Variants in ZNF705D observed in about 807,000 individuals in gnomAD.
ZNF705D encodes the protein putative zinc finger protein 705C.
For synonymous variants in ZNF705D, 1 was observed against 43.8 expected (o/e 0.02, Z 3.86); for missense variants, 6 against 129.4 (o/e 0.05, Z 4.63).
the ZNF705D span, chr8:12,095,097 G>C: frequency 1.4e-5 from 1 of 69,092 alleles, no homozygotes; most frequent in African/African-American, 6.1e-5. Context: ...GAAAAATGGA[G>C]AGAGGGAACG....
At chr8:12,097,355 A>ATAATTTG in the ZNF705D span, among the ~76,000 whole-genome samples, 1 of 98,560 alleles carries the variant, frequency 1.0e-5, no homozygotes, top group Admixed American at 1.1e-4. Context: ...CAGCTGGAGG[A>ATAATTTG]CTTTATTCTA....
At chr8:12,103,745 A>AT (rs1191992730), upstream of ZNF705D, among the ~76,000 whole-genome samples, 6 of 65,920 alleles carry the variant, frequency 9.1e-5, no homozygotes, top group Admixed American at 2.6e-4. Context: ...TTTAACTAAC[A>AT]TTTTTGATGT....
rs1802248433 is a variant in ZNF705D, at chr8:12,109,441, ATT to A, written c.13-457_13-456del. On this transcript the variant is annotated intron_variant, in intron 1 of 4. Coordinates refer to ENST00000400078, the Ensembl canonical transcript of ZNF705D. ...AAAACACATCATTGGTCTTTTAACC[ATT>A]TGATTGGGGAGAAACCTGTCGTTCA... Among the ~76,000 whole-genome samples, 3 of 87,064 alleles carry A rather than the reference ATT, an allele frequency of 3.4e-5. 1 individual carries two copies. The South Asian group carries it at 1.6e-3, about 47-fold the overall frequency. 57.1% of individuals were successfully genotyped at this position (87,064 alleles called of 152,430 possible).
upstream of ZNF705D, among the ~76,000 whole-genome samples, chr8:12,100,706 A>G (rs1440899908): frequency 1.3e-3 from 6 of 4,646 alleles, 3 homozygotes; most frequent in African/African-American, 1.5e-3. Flanking sequence ...TTTCCTACGC[A>G]TAAAGGAGCA....
At chr8:12,090,164 C>G in the ZNF705D span, among the ~76,000 whole-genome samples, 26 of 89,054 alleles carry the variant, frequency 2.9e-4, 3 homozygotes, top group African/African-American at 7.3e-4. Context: ...GCCACCCCCC[C>G]GATGGATGTC....
At chr8:12,105,784 C>T (rs1320647687), upstream of ZNF705D, among the ~76,000 whole-genome samples, 1 of 40,574 alleles carries the variant, frequency 2.5e-5, no homozygotes, top group Non-Finnish European at 4.2e-5. Flanking sequence ...GAGGGAGATA[C>T]TAAGCTGTGC....
At chr8:12,090,189 G>C in the ZNF705D span, among the ~76,000 whole-genome samples, 8 of 90,788 alleles carry the variant, frequency 8.8e-5, 2 homozygotes, top group South Asian at 2.7e-3. Context: ...GTGCCAGGCA[G>C]GAATGGGCTA....
At chr8:12,089,768 A>G in the ZNF705D span, among the ~76,000 whole-genome samples, 1 of 64,748 alleles carries the variant, frequency 1.5e-5, no homozygotes. Flanking sequence ...TGGGGGATGG[A>G]GGTGAGATTC....
At chr8:12,100,433 T>A (rs1387259310), upstream of ZNF705D, among the ~76,000 whole-genome samples, 2 of 8,786 alleles carry the variant, frequency 2.3e-4, 1 homozygote, top group African/African-American at 2.5e-4. Context: ...ACGATATTTT[T>A]ATTTTTTTAA....
At chr8:12,090,067 C>T in the ZNF705D span, among the ~76,000 whole-genome samples, 280 of 72,444 alleles carry the variant, frequency 3.9e-3, 75 homozygotes, top group Non-Finnish European at 8.3e-3. Flanking sequence ...GAGTTCTGGC[C>T]AGGAGGCTTC....
intron 1 of ZNF705D, among the ~76,000 whole-genome samples, chr8:12,109,283 G>A (rs1440751543): frequency 1.2e-3 from 50 of 41,320 alleles, no homozygotes; most frequent in African/African-American, 6.9e-3. Flanking sequence ...TGCATAAAGC[G>A]TTCAGTTCTG....
upstream of ZNF705D, among the ~76,000 whole-genome samples, chr8:12,103,215 TC>T (rs1802158541): frequency 1.1e-5 from 1 of 94,088 alleles, no homozygotes; most frequent in Non-Finnish European, 2.4e-5. Context: ...TGAACTGGCC[TC>T]ATTCCCTTAC....
chr8:12,112,875 A>G, exon 5 of ZNF705D: 1 of 761,958 alleles, frequency 1.3e-6, no homozygotes, highest in Non-Finnish European at 1.8e-6. Context: ...CTATGTGGAA[A>G]AGCCTTCACT....
chr8:12,094,271 ACT>A, the ZNF705D span, among the ~76,000 whole-genome samples: 588 of 89,292 alleles, frequency 6.6e-3, 95 homozygotes, highest in East Asian at 0.048. Flanking sequence ...AAAGCTGGGA[ACT>A]GAAGGAATTC....
chr8:12,095,131 G>A, the ZNF705D span: 1 of 455,072 alleles, frequency 2.2e-6, no homozygotes, highest in Non-Finnish European at 2.8e-6. Flanking sequence ...TAGGGAGAGG[G>A]AGAGAGAAAA....
At chr8:12,109,402 T>A (rs1191591822) in intron 1 of ZNF705D, among the ~76,000 whole-genome samples, 5 of 90,174 alleles carry the variant, frequency 5.5e-5, no homozygotes, top group Non-Finnish European at 1.1e-4. Flanking sequence ...TTCTATTAGT[T>A]CATTAGATTA....
the ZNF705D span, among the ~76,000 whole-genome samples, chr8:12,090,245 A>T: frequency 2.7e-5 from 2 of 75,232 alleles, no homozygotes; most frequent in African/African-American, 6.2e-5. Flanking sequence ...TACTTCCTCT[A>T]CTCCTGTATG....
chr8:12,103,453 G>A (rs1212774934), upstream of ZNF705D, among the ~76,000 whole-genome samples: 2 of 71,860 alleles, frequency 2.8e-5, no homozygotes, highest in Non-Finnish European at 6.9e-5. Flanking sequence ...CCGAACAGAT[G>A]CCTGAATGTC....
At chr8:12,105,099 G>C (rs1195967607), upstream of ZNF705D, among the ~76,000 whole-genome samples, 5 of 101,410 alleles carry the variant, frequency 4.9e-5, no homozygotes, top group African/African-American at 1.4e-4. Flanking sequence ...TGTTTCCCTA[G>C]CACCTCAGAT....
Sources: gnomAD v4.1 joint callset for allele counts (sites outside exome capture counted in the v4.1 genomes callset) on GRCh38, gnomAD v4.1.1 for gene constraint, MANE v1.5 for transcripts, NCBI Gene and HGNC (gene_info 2026-07-23, HGNC 2026-07-21) for gene names.